CABP4: variants seen among roughly 807,000 people sequenced by gnomAD.
CABP4 encodes the protein calcium-binding protein 4.
CABP4 carries 30 observed loss-of-function variants against 30.7 expected under a neutral mutation model. The observed-to-expected ratio is 0.98, with a 90% CI of 0.73 to 1.33. The LOEUF (loss-of-function observed/expected upper bound fraction) is 1.33. Among genes scored for constraint, CABP4 ranks in the 40% most tolerant of loss-of-function variants. CABP4 has a pLI of 0.00. For synonymous variants in CABP4, 161 were observed against 159.2 expected, an observed-to-expected ratio of 1.01 and a Z score of -0.08; for missense variants, 424 against 395.5, an observed-to-expected ratio of 1.07 and a Z score of -0.61.
rs1045351477 is a variant in CABP4, at chr11:67,458,434, C to G, written c.715C>G (p.Leu239Val). ...AELREAVPAL[L>V]GEPLAGPELD... The stretch of plus-strand genomic sequence containing the variant: ...GCTGCGGGAGGCGGTACCGGCTCTG[C>G]TCGGGGAGCCGCTGGCGGGTCCTGA... Residue 239 changes from leucine to valine, a missense_variant, in exon 5 of 6, where the codon CTC (leucine) becomes GTC (valine). Physicochemically the swap from Leu to Val is conservative, Grantham distance 32. Transcript: ENST00000325656. The G allele has an allele frequency of 1.9e-6, 3 of 1,613,884 alleles. No homozygotes were observed. Among genetic ancestry groups the G allele is most frequent in the Non-Finnish European group, 2.5e-6 (3 of 1,179,944 alleles).
At chr11:67,454,139 T>A (rs929011102), upstream of CABP4, among the ~76,000 whole-genome samples, 1 of 151,898 alleles carries the variant, frequency 6.6e-6, no homozygotes, top group Non-Finnish European at 1.5e-5. Context: ...GGCTCTGCAG[T>A]GGGATGGTGG....
rs757905556 is a variant in CABP4, at chr11:67,457,637, G to A, written c.606G>A (p.Thr202=). Residue 202 remains threonine (T), a synonymous_variant, in exon 4 of 6, where the codon ACG becomes ACA. Coordinates refer to ENST00000325656, the MANE Select transcript of CABP4 (RefSeq NM_145200.5). ...TAGGCCCAAAGCTGAGGGAGGAGAC[G>A]GCGCACATGCTGGGGGTGCGAGAGC... ...ELIGPKLREE[T]AHMLGVRELR... is the part of the protein sequence containing the mutation. 12 of 1,605,150 alleles carry A rather than the reference G, an allele frequency of 7.5e-6. No homozygotes were observed. The highest frequency in any genetic ancestry group is 5.3e-5 in the African/African-American group (4 of 74,832).
At chr11:67,457,347 G>T (rs1864848861) in intron 3 of CABP4, among the ~76,000 whole-genome samples, 1 of 152,178 alleles carries the variant, frequency 6.6e-6, no homozygotes, top group Non-Finnish European at 1.5e-5. Flanking sequence ...TCCAAAGCCT[G>T]GTCTCTTCCT....
chr11:67,460,310 A>T lies in CABP4; in HGVS notation c.*1651A>T, dbSNP rs1029020292. The T allele has an allele frequency of 6.6e-6, 1 of 152,122 alleles. No homozygotes were observed. The highest frequency in any genetic ancestry group is 1.5e-5 in the Non-Finnish European group (1 of 68,056). 9.4% of individuals were successfully genotyped at this position (152,122 alleles called of 1,614,324 possible). Reference sequence around the variant, plus strand: ...CCCTGTCTCTACTAAAAATACAAAAATTAGCCAGGCGTGGTGGTGCTTGCA... The same window carrying T: ...CCCTGTCTCTACTAAAAATACAAAATTTAGCCAGGCGTGGTGGTGCTTGCA... On this transcript the variant is annotated 3_prime_UTR_variant, in exon 6 of 6. Transcript: ENST00000325656.
At chr11:67,458,204 A>G (rs1445619735) in intron 4 of CABP4, among the ~76,000 whole-genome samples, 167 bp from the exon 5 acceptor site, 2 of 152,176 alleles carry the variant, frequency 1.3e-5, no homozygotes, top group Non-Finnish European at 2.9e-5. Flanking sequence ...GGTTGCAGTG[A>G]GCCGAAATTG....
At chr11:67,455,838 GAC>G in intron 1 of CABP4, 49 bp downstream of exon 1, 4 of 1,543,784 alleles carry the variant, frequency 2.6e-6, no homozygotes, top group Non-Finnish European at 2.6e-6. Context: ...TGGGGCTGGA[GAC>G]ACACCCCTTG....
rs2135171383 is a variant in CABP4 at position 67,455,440 on chromosome 11, C to T, written c.17C>T (p.Ala6Val). 6.2e-7 allele frequency: 1 copy of T among 1,610,826 alleles called. No individual in the cohort carries two copies. The highest frequency in any genetic ancestry group is 2.2e-5 in the East Asian group (1 of 44,872). Residue 6 changes from alanine to valine, a missense_variant, in exon 1 of 6, where the codon GCA becomes GTA. Ala to Val is a moderately conservative substitution (Grantham distance 64). Coordinates refer to ENST00000325656, the MANE Select transcript of CABP4 (RefSeq NM_145200.5). ...CCCTCCCCCATGACCACAGAGCAGGCAAGGGGGCAGCAGGGCCCAAATCTG... is the reference window on the plus strand; with the variant it reads ...CCCTCCCCCATGACCACAGAGCAGGTAAGGGGGCAGCAGGGCCCAAATCTG... The part of the protein sequence containing the change: MTTEQ[A>V]RGQQGPNLAI...
At position 67,455,639 on chromosome 11, in the gene CABP4, C is replaced by A. The variant is rs985847582; in HGVS notation, c.216C>A (p.Asn72Lys). 38 of 1,610,058 alleles carry A rather than the reference C, an allele frequency of 2.4e-5. No individual in the cohort carries two copies. Among genetic ancestry groups the A allele is most frequent in the Non-Finnish European group, 3.1e-5 (37 of 1,179,204 alleles). ...CCGAGGCCCCGGGGAGCAGCAATAA[C>A]CCTCCCAGCACTGGAGAGGGGCCGG... ...TGPEAPGSSN[N>K]PPSTGEGPAG... Residue 72 changes from asparagine to lysine, a missense_variant, in exon 1 of 6, where the codon AAC (asparagine) becomes AAA (lysine). By Grantham distance (94) the Asn-to-Lys change is moderately conservative. Transcript: ENST00000325656.
chr11:67,456,576 G>C, intron 3 of CABP4, 134 bp downstream of exon 3: 1 of 1,166,846 alleles, frequency 8.6e-7, no homozygotes, highest in Non-Finnish European at 1.2e-6. Flanking sequence ...CCAGGCAGGG[G>C]CACCGGGTTC....
upstream of CABP4, chr11:67,452,848 G>A (rs574318144): frequency 2.7e-6 from 2 of 743,212 alleles, no homozygotes; most frequent in East Asian, 2.7e-5. Flanking sequence ...CCCTCCCTGC[G>A]CCATTGTCAT....
At position 67,458,685 on chromosome 11, in the gene CABP4, C is replaced by T. The variant is rs747352890; in HGVS notation, c.*26C>T. The T allele has an allele frequency of 2.5e-5, 40 of 1,613,458 alleles. No individual in the cohort carries two copies. Among genetic ancestry groups the T allele is most frequent in the Non-Finnish European group, 3.3e-5 (39 of 1,179,996 alleles). On this transcript the variant is annotated 3_prime_UTR_variant, in exon 6 of 6. Transcript: ENST00000325656. ...GGCTCCAGGAGGGAATATCTGTTGC[C>T]CCTGCGGCCCCAGACACCAGCCAGA... is the stretch of plus-strand genomic sequence containing the variant.
chr11:67,453,003 T>G (rs961128997), upstream of CABP4: 1 of 251,370 alleles, frequency 4.0e-6, no homozygotes, highest in African/African-American at 2.9e-5. Flanking sequence ...CAACCCAGAC[T>G]TTTCTTTTCT....
At position 67,455,390 on chromosome 11, in the gene CABP4, G is replaced by T. The variant is rs772765944; in HGVS notation, c.-34G>T. 9.4e-6 allele frequency: 15 copies of T among 1,587,492 alleles called. No individual in the cohort carries two copies. Among genetic ancestry groups the T allele is most frequent in the Middle Eastern group, 2.1e-4 (1 of 4,680 alleles). ...TCCTGAAAGCCAAGGGTGCCCAGGG[G>T]TGTGGTGTCTCTGAGCCCTGTTATC... On this transcript the variant is annotated 5_prime_UTR_variant, in exon 1 of 6. Coordinates refer to ENST00000325656, the MANE Select transcript of CABP4 (RefSeq NM_145200.5).
In CABP4 at chr11:67,461,363, C is replaced by T. The variant is rs952190790; in HGVS notation, c.*2704C>T. Among the ~76,000 whole-genome samples the T allele has an allele frequency of 3.9e-5, 6 of 152,142 alleles. No individual in the cohort carries two copies. Among genetic ancestry groups the T allele is most frequent in the Non-Finnish European group, 7.4e-5 (5 of 68,016 alleles). On this transcript the variant is annotated 3_prime_UTR_variant, in exon 6 of 6. Coordinates refer to ENST00000325656, the MANE Select transcript of CABP4 (RefSeq NM_145200.5). ...ATAGAGAATGAACAAGAAGCAATAACCAAAGAGATAATGGCTGAAAATTTT... is the reference window on the plus strand; with the variant it reads ...ATAGAGAATGAACAAGAAGCAATAATCAAAGAGATAATGGCTGAAAATTTT...
In CABP4 at chr11:67,456,222, A is replaced by T; in HGVS notation, c.397+4A>T. 1 of 1,613,370 alleles carries T rather than the reference A, an allele frequency of 6.2e-7. No individual in the cohort carries two copies. Among genetic ancestry groups the T allele is most frequent in the Non-Finnish European group, 8.5e-7 (1 of 1,179,942 alleles). On this transcript the variant is annotated splice_donor_region_variant and intron_variant, in intron 2 of 5. Transcript: ENST00000325656. ...CTGGGCCCCGAGGAGCTAGACGGTG[A>T]GTGGCTCTTGCTGCTGGCAGGGGGT...
At chr11:67,455,077 A>G (rs1040297293), upstream of CABP4, among the ~76,000 whole-genome samples, 32 of 152,186 alleles carry the variant, frequency 2.1e-4, no homozygotes, top group Admixed American at 1.7e-3. Context: ...ATTATTCCCC[A>G]TGTTTTATAG....
rs1389711585 is a variant in CABP4 at position 67,457,661 on chromosome 11, G to A, written c.630G>A (p.Glu210=). 2 of 1,595,550 alleles carry A rather than the reference G, an allele frequency of 1.3e-6. No homozygotes were observed. The highest frequency in any genetic ancestry group is 8.5e-7 in the Non-Finnish European group (1 of 1,171,208). ...EETAHMLGVR[E]LRIAFREFDR... ...CGGCGCACATGCTGGGGGTGCGAGA[G>A]CTGCGCATCGCCTTCCGAGAGGTGC... is the stretch of plus-strand genomic sequence containing the variant. The change falls in exon 4 of 6, where the codon GAG becomes GAA. Residue 210 remains glutamate (E), a synonymous_variant. Transcript: ENST00000325656.
In CABP4 at chr11:67,455,528, C is replaced by G; in HGVS notation, c.105C>G (p.Pro35=). Residue 35 remains proline, a synonymous_variant, in exon 1 of 6, where the codon CCC becomes CCG. Coordinates refer to ENST00000325656, the MANE Select transcript of CABP4 (RefSeq NM_145200.5). ...VVTPKSDAEE[P]PLTRKRSKKE... Reference sequence around the variant, plus strand: ...CTCCCAAGAGTGATGCAGAGGAGCCCCCGTTGACCAGGAAGAGGAGCAAGA... The same window carrying G: ...CTCCCAAGAGTGATGCAGAGGAGCCGCCGTTGACCAGGAAGAGGAGCAAGA... 10 of 1,603,566 alleles carry G rather than the reference C, an allele frequency of 6.2e-6. No individual in the cohort carries two copies. Among genetic ancestry groups the G allele is most frequent in the Non-Finnish European group, 7.7e-6 (9 of 1,176,250 alleles).
chr11:67,458,321 A>G (rs1326935091), intron 4 of CABP4, 50 bp from the exon 5 acceptor site: 22 of 1,511,976 alleles, frequency 1.5e-5, no homozygotes, highest in Non-Finnish European at 2.0e-5. Context: ...GAGCTGGCTG[A>G]GGCTGAGGCA....
Sources: allele counts gnomAD v4.1 joint callset (sites outside exome capture counted in the v4.1 genomes callset), GRCh38; gene constraint gnomAD v4.1.1; transcripts MANE v1.5; gene names NCBI Gene and HGNC (gene_info 2026-07-23, HGNC 2026-07-21).